TMIGD3: variants seen among roughly 807,000 people sequenced by gnomAD.
TMIGD3 encodes the protein transmembrane and immunoglobulin domain containing 3.
In TMIGD3, 21 loss-of-function variants were observed where a neutral mutation model predicts 28.1. That is an observed-to-expected ratio of 0.75 (90% CI 0.53 to 1.08). The LOEUF (loss-of-function observed/expected upper bound fraction) is 1.08, where lower values mean the gene tolerates loss of function less well. TMIGD3 is among the 50% of genes least tolerant of loss of function. The pLI is 0.00. For missense variants in TMIGD3, 416 were observed against 435.6 expected (o/e 0.96, Z 0.40); for synonymous variants, 151 against 162.1 (o/e 0.93, Z 0.52).
chr1:111,483,615 G>A lies in TMIGD3; in HGVS notation c.*72C>T, dbSNP rs757188732. ...TGGGAGATCAGAATCAGTCTCTGAG[G>A]TGTGGGCCAGTTGTCATGGTGATTA... On this transcript the variant is annotated 3_prime_UTR_variant, in exon 6 of 6. Coordinates refer to ENST00000369716, the MANE Select transcript of TMIGD3 (RefSeq NM_020683.7). The A allele has an allele frequency of 2.5e-6, 3 of 1,201,730 alleles. No individual in the cohort carries two copies. Among genetic ancestry groups the A allele is most frequent in the East Asian group, 2.5e-5 (1 of 40,730 alleles). 74.4% of individuals were successfully genotyped at this position (1,201,730 alleles called of 1,614,324 possible).
intron 1 of TMIGD3, chr1:111,501,417 A>C (rs1237010658): frequency 6.6e-6 from 1 of 152,236 alleles, no homozygotes; most frequent in Non-Finnish European, 1.5e-5. Context: ...TTTTTATCTC[A>C]ATTAAATCTC....
chr1:111,544,224 GT>G (rs1293647010), intron 1 of TMIGD3, among the ~76,000 whole-genome samples: 1 of 152,112 alleles, frequency 6.6e-6, no homozygotes, highest in Non-Finnish European at 1.5e-5. Context: ...TGTTTAAAAA[GT>G]TGAGATCAAA....
chr1:111,529,405 G>A (rs1358244409), intron 1 of TMIGD3, among the ~76,000 whole-genome samples: 1 of 150,186 alleles, frequency 6.7e-6, no homozygotes, highest in Non-Finnish European at 1.5e-5. Flanking sequence ...ATTCTTGGGT[G>A]TTTCTCGCAG....
chr1:111,483,466 A>T lies in TMIGD3; in HGVS notation c.*221T>A, dbSNP rs572029357. 28 of 526,642 alleles carry T rather than the reference A, an allele frequency of 5.3e-5. No individual in the cohort carries two copies. In the South Asian group the frequency reaches 6.1e-4, roughly 12 times the overall value. 32.6% of individuals were successfully genotyped at this position (526,642 alleles called of 1,614,324 possible). ...ACTGATGGAATGCATAAGAACTAAG[A>T]TCTTGAGATGTTATTTGAGGGCAGC... On this transcript the variant is annotated 3_prime_UTR_variant, in exon 6 of 6. Transcript: ENST00000369716.
chr1:111,551,034 G>A (rs1030524338), intron 1 of TMIGD3, among the ~76,000 whole-genome samples: 12 of 152,114 alleles, frequency 7.9e-5, no homozygotes, highest in African/African-American at 2.7e-4. Flanking sequence ...CATTTGTCTG[G>A]TTTTAGGATA....
intron 1 of TMIGD3, among the ~76,000 whole-genome samples, chr1:111,509,413 C>T (rs555045376): frequency 2.8e-4 from 42 of 152,292 alleles, no homozygotes; most frequent in Non-Finnish European, 5.7e-4. Context: ...GTGCTCAGGC[C>T]GGGTGTCCCC....
upstream of TMIGD3, among the ~76,000 whole-genome samples, chr1:111,504,301 T>C (rs1236733816): frequency 1.3e-5 from 2 of 152,186 alleles, no homozygotes; most frequent in African/African-American, 4.8e-5. Flanking sequence ...AACGACAGAA[T>C]AGCAGAATGA....
intron 1 of TMIGD3, among the ~76,000 whole-genome samples, chr1:111,533,290 G>A (rs574316727): frequency 2.6e-5 from 4 of 152,110 alleles, no homozygotes; most frequent in Admixed American, 6.5e-5. Flanking sequence ...CTTGATTCCT[G>A]GAAATAATCT....
intron 1 of TMIGD3, among the ~76,000 whole-genome samples, chr1:111,496,181 T>G (rs909673557): frequency 6.6e-6 from 1 of 152,194 alleles, no homozygotes; most frequent in Non-Finnish European, 1.5e-5. Flanking sequence ...AATTAAAATT[T>G]TTAAAAAGAG....
At chr1:111,557,291 G>A (rs187967257) in intron 1 of TMIGD3, among the ~76,000 whole-genome samples, 26 of 152,322 alleles carry the variant, frequency 1.7e-4, no homozygotes, top group South Asian at 4.1e-4. Context: ...GCTCACGCCT[G>A]TAATCCTAGC....
At chr1:111,497,987 T>C (rs1349654283) in intron 1 of TMIGD3, among the ~76,000 whole-genome samples, 1 of 152,174 alleles carries the variant, frequency 6.6e-6, no homozygotes, top group Non-Finnish European at 1.5e-5. Flanking sequence ...AGGTGAACAG[T>C]GTGCCTGAGA....
intron 1 of TMIGD3, among the ~76,000 whole-genome samples, chr1:111,535,633 T>C (rs1380255657): frequency 2.6e-5 from 4 of 152,216 alleles, no homozygotes; most frequent in Admixed American, 6.5e-5. Flanking sequence ...AAAGGTGTTA[T>C]TCACATATTG....
At chr1:111,485,314 T>A (rs941186743) in intron 5 of TMIGD3, 9 of 156,372 alleles carry the variant, frequency 5.8e-5, no homozygotes, top group African/African-American at 1.9e-4. Context: ...TGAGCTATGA[T>A]CATACTTCGG....
At chr1:111,507,510 G>A (rs1655550374), upstream of TMIGD3, among the ~76,000 whole-genome samples, 1 of 152,190 alleles carries the variant, frequency 6.6e-6, no homozygotes, top group Admixed American at 6.5e-5. Context: ...CAGCAGAGAT[G>A]ATTCATCTGA....
chr1:111,530,769 C>T (rs1295471845), intron 1 of TMIGD3, among the ~76,000 whole-genome samples: 5 of 152,098 alleles, frequency 3.3e-5, no homozygotes, highest in African/African-American at 1.2e-4. Context: ...TGCTTTTGAG[C>T]AATTTGATAA....
At chr1:111,499,776 G>A in intron 1 of TMIGD3, 1 of 1,438,746 alleles carries the variant, frequency 7.0e-7, no homozygotes. Context: ...AAATGAAGTG[G>A]AGGAAGAGAG....
chr1:111,562,773 T>G (rs547266184), intron 1 of TMIGD3, among the ~76,000 whole-genome samples: 5 of 152,244 alleles, frequency 3.3e-5, no homozygotes, highest in Non-Finnish European at 7.3e-5. Context: ...TTCCTCTTGA[T>G]AGGCTGGAAG....
intron 3 of TMIGD3, among the ~76,000 whole-genome samples, chr1:111,488,324 C>T (rs1298140935): frequency 6.6e-6 from 1 of 152,006 alleles, no homozygotes; most frequent in Non-Finnish European, 1.5e-5. Context: ...CTGGTTCAAG[C>T]GATTCTCACA....
At chr1:111,529,386 T>A (rs979801175) in intron 1 of TMIGD3, among the ~76,000 whole-genome samples, 3 of 151,646 alleles carry the variant, frequency 2.0e-5, no homozygotes, top group African/African-American at 7.3e-5. Flanking sequence ...CTTTTTTTTT[T>A]AATTGATCAT....
Sources: allele counts gnomAD v4.1 joint callset (sites outside exome capture counted in the v4.1 genomes callset), GRCh38; gene constraint gnomAD v4.1.1; transcripts MANE v1.5; gene names NCBI Gene and HGNC (gene_info 2026-07-23, HGNC 2026-07-21).